Variants in ADGB observed in about 807,000 individuals in gnomAD.
ADGB encodes calpain-7-like protein.
A neutral mutation model predicts 210.5 loss-of-function variants in ADGB; 172 were observed. That is an observed-to-expected ratio of 0.82 (90% CI 0.72 to 0.93). ADGB has a LOEUF of 0.93. Among genes scored for constraint, ADGB ranks in the 40% least tolerant of loss-of-function variants. ADGB has a pLI of 0.00. For synonymous variants in ADGB, 658 were observed against 662.7 expected (o/e 0.99, Z 0.11); for missense variants, 2,025 against 1,964.8 (o/e 1.03, Z -0.58).
intron 5 of ADGB, among the ~76,000 whole-genome samples, chr6:146,659,230 T>C (rs114839693): frequency 0.024 from 3,620 of 152,300 alleles, 119 homozygotes; most frequent in African/African-American, 0.082. Flanking sequence ...TGTCTGTCAT[T>C]TGCTTCTCTC....
In ADGB at chr6:146,672,642, T is replaced by C. The variant is rs530070211; in HGVS notation, c.1087+175T>C. On this transcript the variant is annotated intron_variant, in intron 8 of 35. Coordinates refer to ENST00000397944, the MANE Select transcript of ADGB (RefSeq NM_024694.4). ...GGTCACAGAATGAAGTAAGAAGAGA[T>C]AGTTTATTGAAAGCTCCTCAGTTAC... Among the ~76,000 whole-genome samples, 7 of 151,862 alleles carry C rather than the reference T, an allele frequency of 4.6e-5. No homozygotes were observed. In the South Asian group the frequency reaches 1.3e-3, roughly 27 times the overall value.
intron 1 of ADGB, among the ~76,000 whole-genome samples, chr6:146,609,547 C>G (rs1007519760): frequency 6.6e-6 from 1 of 151,998 alleles, no homozygotes; most frequent in Non-Finnish European, 1.5e-5. Flanking sequence ...TTTATAGTGT[C>G]AATATACTTC....
chr6:146,697,968 G>A (rs1281250617), intron 12 of ADGB, among the ~76,000 whole-genome samples: 1 of 152,108 alleles, frequency 6.6e-6, no homozygotes, highest in Non-Finnish European at 1.5e-5. Flanking sequence ...GACCAAAGAA[G>A]TCTGGTACAC....
intron 9 of ADGB, among the ~76,000 whole-genome samples, chr6:146,681,081 T>A (rs1209781181): frequency 6.6e-6 from 1 of 152,166 alleles, no homozygotes; most frequent in Non-Finnish European, 1.5e-5. Context: ...ACCTAAGTAT[T>A]TAACAACAAA....
At chr6:146,811,566 T>C (rs1321977942) in intron 35 of ADGB, among the ~76,000 whole-genome samples, 2 of 152,200 alleles carry the variant, frequency 1.3e-5, no homozygotes, top group African/African-American at 4.8e-5. Flanking sequence ...GTCATTACAA[T>C]TTAAGTGATG....
chr6:146,800,540 TA>T (rs57551508), intron 33 of ADGB, among the ~76,000 whole-genome samples: 108,366 of 151,614 alleles, frequency 0.71, 39,183 homozygotes, highest in African/African-American at 0.83. Flanking sequence ...AGCTTTTTTT[TA>T]AAAAAAAAGC....
At chr6:146,659,305 A>G (rs1775823967) in intron 5 of ADGB, among the ~76,000 whole-genome samples, 1 of 152,316 alleles carries the variant, frequency 6.6e-6, no homozygotes, top group Non-Finnish European at 1.5e-5. Context: ...GATTCAGTAC[A>G]ATACACTACA....
At chr6:146,651,563 G>T (rs952687472) in intron 3 of ADGB, among the ~76,000 whole-genome samples, 1 of 152,300 alleles carries the variant, frequency 6.6e-6, no homozygotes, top group East Asian at 1.9e-4. Flanking sequence ...GGAGGATGCA[G>T]GTCTGCAAGT....
chr6:146,721,793 G>A (rs1047811829), intron 17 of ADGB, among the ~76,000 whole-genome samples: 16 of 152,066 alleles, frequency 1.1e-4, no homozygotes, highest in African/African-American at 3.4e-4. Flanking sequence ...AGCCGAGATC[G>A]CGCCATTGCA....
chr6:146,661,550 A>G (rs1467738773), intron 5 of ADGB, among the ~76,000 whole-genome samples: 2 of 152,070 alleles, frequency 1.3e-5, no homozygotes, highest in Non-Finnish European at 2.9e-5. Flanking sequence ...TTTCCTGTGT[A>G]TATATTGAAA....
chr6:146,705,824 A>AT (rs566882833), intron 13 of ADGB, among the ~76,000 whole-genome samples: 1 of 152,034 alleles, frequency 6.6e-6, no homozygotes, highest in African/African-American at 2.4e-5. Flanking sequence ...TCTTTGTCAG[A>AT]TTTTTTTGGA....
chr6:146,767,620 C>G (rs1345493051), intron 28 of ADGB, among the ~76,000 whole-genome samples: 1 of 152,088 alleles, frequency 6.6e-6, no homozygotes, highest in African/African-American at 2.4e-5. Context: ...AGGCACATGC[C>G]CCCACACCCG....
intron 2 of ADGB, among the ~76,000 whole-genome samples, chr6:146,637,341 A>G (rs1011028313): frequency 2.6e-5 from 4 of 152,032 alleles, no homozygotes; most frequent in African/African-American, 9.7e-5. Flanking sequence ...AACTTGAACC[A>G]AAACCCCAGG....
At chr6:146,786,209 G>C (rs1405061929) in intron 32 of ADGB, among the ~76,000 whole-genome samples, 1 of 147,018 alleles carries the variant, frequency 6.8e-6, no homozygotes, top group Non-Finnish European at 1.5e-5. Flanking sequence ...ATATATTTAA[G>C]TATATATTAT....
At chr6:146,632,224 C>T (rs1042934217) in intron 1 of ADGB, among the ~76,000 whole-genome samples, 1 of 152,196 alleles carries the variant, frequency 6.6e-6, no homozygotes, top group Admixed American at 6.5e-5. Flanking sequence ...AGAAAATCCA[C>T]TTCCTTGCCT....
At chr6:146,655,645 C>T (rs1775768770) in intron 4 of ADGB, among the ~76,000 whole-genome samples, 1 of 152,048 alleles carries the variant, frequency 6.6e-6, no homozygotes, top group South Asian at 2.1e-4. Context: ...ACCAGTTATA[C>T]ATATTAGTAT....
rs1775718649 is a variant in ADGB, at chr6:146,652,664, G to A, written c.331-1471G>A. On this transcript the variant is annotated intron_variant, in intron 3 of 35. Transcript: ENST00000397944. ...TTTAGAAGTGTACTAATTAAATAAT[G>A]ACCATTAAAATAATTTTTTAATCTA... is the stretch of plus-strand genomic sequence containing the variant. 3.3e-5 allele frequency among the ~76,000 whole-genome samples: 5 copies of A among 151,964 alleles called. No homozygotes were observed. In the South Asian group the frequency reaches 1.0e-3, roughly 32 times the overall value.
chr6:146,685,653 C>CAATT, intron 9 of ADGB, 81 bp from the exon 10 acceptor site: 1 of 649,458 alleles, frequency 1.5e-6, no homozygotes, highest in Admixed American at 4.1e-5. Flanking sequence ...TTCATTAAGG[C>CAATT]AATTGAACAA....
chr6:146,657,302 G>A (rs1457095360), intron 5 of ADGB, among the ~76,000 whole-genome samples: 1 of 136,962 alleles, frequency 7.3e-6, no homozygotes, highest in Non-Finnish European at 1.5e-5. Context: ...TCCAGCCTGG[G>A]CAACAAGAGC....
Sources: allele counts gnomAD v4.1 joint callset (sites outside exome capture counted in the v4.1 genomes callset), GRCh38; gene constraint gnomAD v4.1.1; transcripts MANE v1.5; gene names NCBI Gene and HGNC (gene_info 2026-07-23, HGNC 2026-07-21).